PROX1: variants seen among roughly 807,000 people sequenced by gnomAD.
The protein encoded by PROX1 is prospero homeobox 1.
PROX1 carries 7 observed loss-of-function variants against 58.8 expected under a neutral mutation model. That is an observed-to-expected ratio of 0.12 (90% CI 0.07 to 0.22). PROX1 has a LOEUF of 0.22. Ranked by LOEUF, PROX1 falls within the 10% of genes least tolerant of loss-of-function variation. The pLI is 1.00. For missense variants in PROX1, 675 were observed against 927.8 expected (o/e 0.73, Z 3.54); for synonymous variants, 350 against 358.3 (o/e 0.98, Z 0.26).
At chr1:214,022,493 A>G (rs956637682) in intron 4 of PROX1, among the ~76,000 whole-genome samples, 1 of 152,238 alleles carries the variant, frequency 6.6e-6, no homozygotes, top group Non-Finnish European at 1.5e-5. Context: ...TCAGAATTGG[A>G]ACATATATTC....
Position 213,998,117 on chromosome 1 carries a change from A to G in PROX1, c.1582A>G (p.Met528Val). 1 of 1,614,160 alleles carries G rather than the reference A, an allele frequency of 6.2e-7. No homozygotes were observed. The highest frequency in any genetic ancestry group is 8.5e-7 in the Non-Finnish European group (1 of 1,180,038). The change falls in exon 2 of 5, where the codon ATG becomes GTG. Residue 528 changes from methionine to valine, a missense_variant. Transcript: ENST00000366958. ...TRDTTSLRTK[M>V]SSHHLSHHPC... Reference sequence around the variant, plus strand: ...GGATACCACGAGTCTGAGGACCAAGATGTCATCTCACCACCTGAGCCACCA... The same window carrying G: ...GGATACCACGAGTCTGAGGACCAAGGTGTCATCTCACCACCTGAGCCACCA...
intron 2 of PROX1, among the ~76,000 whole-genome samples, chr1:213,999,592 G>C (rs1046223808): frequency 2.6e-5 from 4 of 152,282 alleles, no homozygotes; most frequent in African/African-American, 9.6e-5. Context: ...CATGAGTCCT[G>C]CTTGGGCAGT....
In PROX1 at chr1:213,996,599, G is replaced by A; in HGVS notation, c.64G>A (p.Gly22Arg). The change falls in exon 2 of 5, where the codon GGA becomes AGA. Residue 22 changes from glycine to arginine, a missense_variant. Transcript: ENST00000366958. ...AACCAAGAGGAGAAGAGTTGACATT[G>A]GAGTGAAAAGGACGGTAGGGACAGC... ...RQTKRRRVDI[G>R]VKRTVGTASA... 1 of 1,614,164 alleles carries A rather than the reference G, an allele frequency of 6.2e-7. No individual in the cohort carries two copies. Among genetic ancestry groups the A allele is most frequent in the African/African-American group, 1.3e-5 (1 of 75,020 alleles).
intron 2 of PROX1, among the ~76,000 whole-genome samples, chr1:214,000,031 C>CTT (rs1663437383): frequency 7.5e-6 from 1 of 133,618 alleles, no homozygotes; most frequent in African/African-American, 3.0e-5. Flanking sequence ...CTTTCTGTCT[C>CTT]TCTCTCTCTC....
chr1:214,009,413 T>A (rs1217657956), intron 3 of PROX1, among the ~76,000 whole-genome samples: 2 of 152,220 alleles, frequency 1.3e-5, no homozygotes, highest in East Asian at 3.8e-4. Context: ...AAATTAACTC[T>A]TTAAAGTTTA....
chr1:214,027,327 G>C (rs1431437711), intron 4 of PROX1, among the ~76,000 whole-genome samples: 1 of 151,706 alleles, frequency 6.6e-6, no homozygotes, highest in African/African-American at 2.4e-5. Flanking sequence ...GTTTGGCTTC[G>C]GGATTTTGGC....
At chr1:213,988,917 C>A (rs79397593) in intron 1 of PROX1, among the ~76,000 whole-genome samples, 4,218 of 151,910 alleles carry the variant, frequency 0.028, 91 homozygotes, top group Non-Finnish European at 0.039. Flanking sequence ...GAGAGAGGAC[C>A]GCGAGAGGGA....
At chr1:214,009,918 C>T (rs1004376157) in intron 3 of PROX1, among the ~76,000 whole-genome samples, 3 of 152,002 alleles carry the variant, frequency 2.0e-5, no homozygotes, top group Admixed American at 6.6e-5. Flanking sequence ...TAAGCCGTCA[C>T]GGGGGCCTGT....
intron 4 of PROX1, among the ~76,000 whole-genome samples, chr1:214,013,800 T>C (rs1416720731): frequency 6.6e-6 from 1 of 152,240 alleles, no homozygotes; most frequent in East Asian, 1.9e-4. Context: ...AGTGTCTATT[T>C]TAAGACTGCT....
At chr1:214,002,594 C>T (rs1212460231) in intron 2 of PROX1, among the ~76,000 whole-genome samples, 1 of 152,028 alleles carries the variant, frequency 6.6e-6, no homozygotes, top group Non-Finnish European at 1.5e-5. Flanking sequence ...TCACCCCACT[C>T]CCCTTTACCT....
At chr1:214,010,351 T>C (rs1663865000) in intron 3 of PROX1, among the ~76,000 whole-genome samples, 2 of 152,236 alleles carry the variant, frequency 1.3e-5, no homozygotes, top group African/African-American at 4.8e-5. Context: ...ATTCATTTAT[T>C]ATCTTTGCTA....
intron 4 of PROX1, among the ~76,000 whole-genome samples, chr1:214,011,998 G>C (rs1663926402): frequency 6.6e-6 from 1 of 152,176 alleles, no homozygotes; most frequent in Non-Finnish European, 1.5e-5. Context: ...AAAAATGGCA[G>C]CAAGCAGCAA....
At chr1:213,983,520 C>A (rs539211853), upstream of PROX1, among the ~76,000 whole-genome samples, 1 of 152,330 alleles carries the variant, frequency 6.6e-6, no homozygotes, top group South Asian at 2.1e-4. Flanking sequence ...GCAAAGGTGT[C>A]CCCTTCACAC....
chr1:214,005,131 C>T (rs1299178318), intron 2 of PROX1, 34 bp from the exon 3 acceptor site: 1 of 1,554,032 alleles, frequency 6.4e-7, no homozygotes. Flanking sequence ...CTTGTGCTTA[C>T]AGAATTGCTT....
intron 1 of PROX1, among the ~76,000 whole-genome samples, chr1:213,990,144 A>G (rs1662973746): frequency 6.6e-6 from 1 of 150,710 alleles, no homozygotes. Flanking sequence ...AAAAAAAAAA[A>G]AAAAAAGAAA....
chr1:213,986,874 C>A (rs1662836481), upstream of PROX1, among the ~76,000 whole-genome samples: 1 of 152,148 alleles, frequency 6.6e-6, no homozygotes, highest in South Asian at 2.1e-4. Context: ...TTAAGAGCCA[C>A]ATTATCTAAA....
At chr1:214,001,104 AGGT>A (rs1663495319) in intron 2 of PROX1, among the ~76,000 whole-genome samples, 1 of 152,186 alleles carries the variant, frequency 6.6e-6, no homozygotes, top group South Asian at 2.1e-4. Flanking sequence ...CCACTCCAAA[AGGT>A]ACCATCTGTT....
At chr1:213,994,666 A>C (rs75779359) in intron 1 of PROX1, among the ~76,000 whole-genome samples, 5,340 of 149,520 alleles carry the variant, frequency 0.036, 156 homozygotes, top group East Asian at 0.047. Flanking sequence ...CCAATGTTGT[A>C]GTTCTTGAGA....
At chr1:213,990,642 G>C (rs557478115) in intron 1 of PROX1, among the ~76,000 whole-genome samples, 8 of 148,778 alleles carry the variant, frequency 5.4e-5, no homozygotes, top group African/African-American at 2.0e-4. Flanking sequence ...GAGAGAGAGA[G>C]AGAGAGAGAG....
Sources: allele counts gnomAD v4.1 joint callset (sites outside exome capture counted in the v4.1 genomes callset), GRCh38; gene constraint gnomAD v4.1.1; transcripts MANE v1.5; gene names NCBI Gene and HGNC (gene_info 2026-07-23, HGNC 2026-07-21).